HDAC8: variants seen among roughly 807,000 people sequenced by gnomAD.
HDAC8 encodes the protein histone deacetylase 8.
HDAC8 carries 1 observed loss-of-function variant against 32.2 expected under a neutral mutation model. The ratio of observed to expected loss-of-function variants is 0.03; its 90% CI spans 0.01 to 0.15. HDAC8 has a LOEUF of 0.15. Among genes scored for constraint, HDAC8 ranks in the 10% least tolerant of loss-of-function variants. The pLI is 1.00. For synonymous variants in HDAC8, 108 were observed against 113.9 expected, an observed-to-expected ratio of 0.95 and a Z score of 0.33; for missense variants, 117 against 300.0, an observed-to-expected ratio of 0.39 and a Z score of 4.51.
chrX:72,534,313 A>C (rs1228197283), intron 4 of HDAC8, among the ~76,000 whole-genome samples: 2 of 93,443 alleles, frequency 2.1e-5, no homozygotes, highest in African/African-American at 1.1e-4. Context: ...ATATATATAT[A>C]TATTTTTTTT....
intron 9 of HDAC8, among the ~76,000 whole-genome samples, chrX:72,415,847 A>G (rs2046318874): frequency 8.9e-6 from 1 of 111,775 alleles, no homozygotes; most frequent in Non-Finnish European, 1.9e-5. Flanking sequence ...TTTTTGTTAC[A>G]TTCCTTGAGA....
chrX:72,454,808 G>A (rs1261041001), intron 9 of HDAC8, among the ~76,000 whole-genome samples: 5 of 112,573 alleles, frequency 4.4e-5, no homozygotes, highest in African/African-American at 1.6e-4. Context: ...GACCAATAAA[G>A]CCTTGGACAA....
At chrX:72,563,909 C>A (rs1236098267) in intron 4 of HDAC8, among the ~76,000 whole-genome samples, 1 of 111,758 alleles carries the variant, frequency 8.9e-6, no homozygotes, top group Non-Finnish European at 1.9e-5. Context: ...TGCCTGTAAT[C>A]CCAGCACCTT....
intron 9 of HDAC8, among the ~76,000 whole-genome samples, chrX:72,429,887 C>T (rs1473138311): frequency 8.9e-6 from 1 of 111,937 alleles, no homozygotes; most frequent in African/African-American, 3.2e-5. Context: ...CAATCAGAAC[C>T]ACCTCTTCCA....
intron 4 of HDAC8, among the ~76,000 whole-genome samples, chrX:72,525,807 C>T (rs377025617): frequency 6.1e-5 from 3 of 48,977 alleles, no homozygotes; most frequent in African/African-American, 2.9e-4. Flanking sequence ...GAGCGAGACT[C>T]TGTCTCAAAA....
At chrX:72,474,226 C>T in intron 7 of HDAC8, 1 of 745,970 alleles carries the variant, frequency 1.3e-6, no homozygotes, top group Non-Finnish European at 1.6e-6. Context: ...AGCATTCTAT[C>T]TCTTATGGTT....
chrX:72,500,610 G>A (rs929731876), intron 4 of HDAC8, among the ~76,000 whole-genome samples: 3 of 111,807 alleles, frequency 2.7e-5, no homozygotes, highest in African/African-American at 9.8e-5. Flanking sequence ...AATAGGTATT[G>A]AAGGAACATA....
At chrX:72,442,052 C>A (rs370704265) in intron 9 of HDAC8, among the ~76,000 whole-genome samples, 2 of 111,097 alleles carry the variant, frequency 1.8e-5, no homozygotes, top group South Asian at 3.8e-4. Flanking sequence ...ACCAAATCTA[C>A]GTCTGATTGG....
chrX:72,348,874 T>C (rs1177795396), intron 10 of HDAC8, among the ~76,000 whole-genome samples: 1 of 111,854 alleles, frequency 8.9e-6, no homozygotes, highest in Non-Finnish European at 1.9e-5. Flanking sequence ...CTCATTGTAA[T>C]ATACAGCATC....
intron 9 of HDAC8, among the ~76,000 whole-genome samples, chrX:72,392,271 C>CAGGTTTTG (rs2045632153): frequency 1.8e-5 from 2 of 112,018 alleles, no homozygotes; most frequent in African/African-American, 6.5e-5. Context: ...CCATCCACCC[C>CAGGTTTTG]TGCCAGCTTA....
chrX:72,442,203 CG>C (rs1164577026), intron 9 of HDAC8, among the ~76,000 whole-genome samples: 1 of 110,052 alleles, frequency 9.1e-6, no homozygotes, highest in Non-Finnish European at 1.9e-5. Context: ...AGATGCTCCT[CG>C]AGAAGAGCAA....
chrX:72,493,005 T>C (rs2048914838), intron 5 of HDAC8, among the ~76,000 whole-genome samples: 1 of 111,863 alleles, frequency 8.9e-6, no homozygotes, highest in Admixed American at 9.5e-5. Context: ...AAATTGGTGA[T>C]ATGAATAATA....
At chrX:72,358,354 G>A (rs782345356) in intron 9 of HDAC8, among the ~76,000 whole-genome samples, 4 of 111,541 alleles carry the variant, frequency 3.6e-5, no homozygotes, top group East Asian at 2.8e-4. Context: ...TGGCATATCC[G>A]AACTGCCTGC....
At chrX:72,374,172 A>G (rs2044976720) in intron 9 of HDAC8, among the ~76,000 whole-genome samples, 1 of 111,382 alleles carries the variant, frequency 9.0e-6, no homozygotes, top group Non-Finnish European at 1.9e-5. Flanking sequence ...CAGCCTCCCA[A>G]GTAACTAAAA....
At chrX:72,374,686 T>G (rs1033728082) in intron 9 of HDAC8, among the ~76,000 whole-genome samples, 3 of 110,793 alleles carry the variant, frequency 2.7e-5, no homozygotes, top group Non-Finnish European at 5.7e-5. Flanking sequence ...AAAAAAAAAA[T>G]GTATTCTGGA....
chrX:72,466,338 C>T (rs1332698555), intron 7 of HDAC8, among the ~76,000 whole-genome samples: 1 of 112,044 alleles, frequency 8.9e-6, no homozygotes, highest in Non-Finnish European at 1.9e-5. Flanking sequence ...CAACCCCTAG[C>T]TTCATGTAGC....
At chrX:72,347,209 CTTA>C (rs1337852532) in intron 10 of HDAC8, among the ~76,000 whole-genome samples, 3 of 111,790 alleles carry the variant, frequency 2.7e-5, no homozygotes, top group African/African-American at 9.8e-5. Context: ...AGCTATTCTT[CTTA>C]TTATTTCATC....
At chrX:72,528,524 C>A (rs1556033873) in intron 4 of HDAC8, among the ~76,000 whole-genome samples, 1 of 111,869 alleles carries the variant, frequency 8.9e-6, no homozygotes, top group Non-Finnish European at 1.9e-5. Context: ...AAGAGGTGAG[C>A]AATCAGAAGC....
chrX:72,567,669 A>T, intron 4 of HDAC8: 1 of 1,110,426 alleles, frequency 9.0e-7, no homozygotes, highest in South Asian at 1.9e-5. Flanking sequence ...AGTTAGAAAA[A>T]CTAGGTGTAG....
Sources: gnomAD v4.1 joint callset for allele counts (sites outside exome capture counted in the v4.1 genomes callset) on GRCh38, gnomAD v4.1.1 for gene constraint, MANE v1.5 for transcripts, NCBI Gene and HGNC (gene_info 2026-07-23, HGNC 2026-07-21) for gene names.